Variants in HIGD1B observed in about 807,000 individuals in gnomAD.
HIGD1B encodes HIG1 domain family member 1B.
In HIGD1B, 9 loss-of-function variants were observed where a neutral mutation model predicts 8.8. The observed-to-expected ratio is 1.02, with a 90% CI of 0.62 to 1.78. The LOEUF (loss-of-function observed/expected upper bound fraction) is 1.78. HIGD1B is among the 40% of genes most tolerant of loss of function. The pLI is 0.00. For missense variants in HIGD1B, 126 were observed against 111.8 expected, an observed-to-expected ratio of 1.13 and a Z score of -0.57; for synonymous variants, 47 against 38.8, an observed-to-expected ratio of 1.21 and a Z score of -0.78.
chr17:44,845,726 T>G (rs1447765950), upstream of HIGD1B, among the ~76,000 whole-genome samples: 4 of 151,726 alleles, frequency 2.6e-5, no homozygotes, highest in Non-Finnish European at 5.9e-5. Context: ...AAGGTCAGGA[T>G]TTCGAGACCA....
chr17:44,845,553 C>T (rs570823161), upstream of HIGD1B, among the ~76,000 whole-genome samples: 1 of 152,142 alleles, frequency 6.6e-6, no homozygotes, highest in South Asian at 2.1e-4. Flanking sequence ...TTGCTTGAGC[C>T]TGGGAGTATG....
upstream of HIGD1B, among the ~76,000 whole-genome samples, chr17:44,845,992 G>T (rs2050319343): frequency 6.6e-6 from 1 of 152,024 alleles, no homozygotes; most frequent in African/African-American, 2.4e-5. Context: ...CACAACTAGG[G>T]TATTTTATTT....
In HIGD1B at chr17:44,850,244, C is replaced by A. The variant is rs1048785903; in HGVS notation, c.236-88C>A. ...GGAAGCTGGACTCTCAAGGGAGCAG[C>A]TAGAGGTGAACCCCTAGGACGCCTG... On this transcript the variant is annotated intron_variant, in intron 2 of 2. Coordinates refer to ENST00000253410, the MANE Select transcript of HIGD1B (RefSeq NM_016438.4). 3.4e-5 allele frequency: 34 copies of A among 995,784 alleles called. No homozygotes were observed. The Middle Eastern group carries it at 9.1e-4, about 27-fold the overall frequency. The allele number at this position is 995,784 out of a possible 1,614,324, so 61.7% of individuals were successfully genotyped here.
chr17:44,848,693 G>A (rs1357004376), intron 1 of HIGD1B, among the ~76,000 whole-genome samples: 2 of 77,322 alleles, frequency 2.6e-5, no homozygotes, highest in African/African-American at 8.0e-5. Context: ...CACTGGTGGT[G>A]ATCAGCTATT....
At chr17:44,846,634 A>G (rs2050325050), upstream of HIGD1B, among the ~76,000 whole-genome samples, 1 of 151,896 alleles carries the variant, frequency 6.6e-6, no homozygotes, top group Non-Finnish European at 1.5e-5. Flanking sequence ...TCTCTACAAA[A>G]AATACAAAAA....
intron 2 of HIGD1B, among the ~76,000 whole-genome samples, chr17:44,849,670 G>C (rs1319612866): frequency 6.9e-6 from 1 of 144,760 alleles, no homozygotes; most frequent in Non-Finnish European, 1.5e-5. Context: ...TTCGGCAGGA[G>C]AATTGCTTGA....
chr17:44,848,552 T>C (rs935809752), intron 1 of HIGD1B, among the ~76,000 whole-genome samples: 5 of 151,962 alleles, frequency 3.3e-5, no homozygotes, highest in Middle Eastern at 3.2e-3. Flanking sequence ...CTTATGGCCC[T>C]GGTAGAGTAG....
chr17:44,846,780 G>C (rs1415897372), upstream of HIGD1B, among the ~76,000 whole-genome samples: 2 of 144,772 alleles, frequency 1.4e-5, no homozygotes, highest in Non-Finnish European at 3.0e-5. Context: ...GTGAGACCCT[G>C]CCTAAAAAAA....
chr17:44,849,758 C>CAAAAAAAAAA (rs61617877), intron 2 of HIGD1B, among the ~76,000 whole-genome samples: 1 of 52,542 alleles, frequency 1.9e-5, no homozygotes, highest in African/African-American at 7.0e-5. Flanking sequence ...GACTCTGTCT[C>CAAAAAAAAAA]AAAAAAAAAA....
Position 44,849,360 on chromosome 17 carries a change from G to C in HIGD1B, c.207G>C (p.Gln69His). ...TGATTCACACCCGAGTGGCAGCGCA[G>C]GCCTGTGCAGTGGGTGCAATCATGC... Reference protein sequence around the residue: ...IHLIHTRVAAQACAVGAIMLG... With the variant: ...IHLIHTRVAAHACAVGAIMLG... The change falls in exon 2 of 3, where the codon CAG (glutamine) becomes CAC (histidine). Residue 69 changes from glutamine (Q) to histidine (H), a missense_variant. Physicochemically the swap from Gln to His is conservative, Grantham distance 24 (BLOSUM62 0). Coordinates refer to ENST00000253410, the MANE Select transcript of HIGD1B (RefSeq NM_016438.4). The C allele has an allele frequency of 6.2e-7, 1 of 1,614,162 alleles. No homozygotes were observed. Among genetic ancestry groups the C allele is most frequent in the South Asian group, 1.1e-5 (1 of 91,082 alleles).
intron 1 of HIGD1B, among the ~76,000 whole-genome samples, chr17:44,848,666 ATC>A (rs1360559166): frequency 2.1e-4 from 11 of 52,638 alleles, no homozygotes; most frequent in Non-Finnish European, 5.8e-4. Flanking sequence ...AGCTATTTGT[ATC>A]TGGGGGAGGG....
intron 1 of HIGD1B, 136 bp from the exon 2 acceptor site, chr17:44,849,118 G>A (rs750086774): frequency 2.0e-5 from 17 of 863,134 alleles, no homozygotes; most frequent in African/African-American, 1.5e-4. Flanking sequence ...CCCCCGCAAC[G>A]CCCACCCCCC....
upstream of HIGD1B, among the ~76,000 whole-genome samples, chr17:44,845,983 A>C (rs149567023): frequency 2.4e-3 from 362 of 151,942 alleles, 1 homozygote; most frequent in African/African-American, 8.0e-3. Flanking sequence ...TCTGTCTCTC[A>C]CAACTAGGGT....
upstream of HIGD1B, among the ~76,000 whole-genome samples, chr17:44,845,287 A>G (rs2050313899): frequency 6.6e-6 from 1 of 150,990 alleles, no homozygotes; most frequent in South Asian, 2.1e-4. Flanking sequence ...AAAGAAATAT[A>G]CTGAGTACAG....
At position 44,848,145 on chromosome 17, in the gene HIGD1B, C is replaced by T; in HGVS notation, c.-8C>T. The T allele has an allele frequency of 1.1e-6, 1 of 871,656 alleles. No individual in the cohort carries two copies. The allele number at this position is 871,656 out of a possible 1,614,324, so 54.0% of individuals were successfully genotyped here. A position where few individuals can be genotyped will look rare whatever the true frequency, so the allele number is the denominator to read the frequency against. On this transcript the variant is annotated 5_prime_UTR_variant, in exon 1 of 3. Transcript: ENST00000253410. ...GAGTCTCAGCTGCTTACATCCAGGT[C>T]CAGGATTATGTCTGCTAACAGACGC...
At chr17:44,845,932 G>GA (rs879399039), upstream of HIGD1B, among the ~76,000 whole-genome samples, 94 of 141,754 alleles carry the variant, frequency 6.6e-4, no homozygotes, top group East Asian at 1.4e-3. Context: ...CTCCATCTCG[G>GA]AAAAAAAAAA....
upstream of HIGD1B, among the ~76,000 whole-genome samples, chr17:44,845,985 A>C (rs2050319284): frequency 6.6e-6 from 1 of 151,818 alleles, no homozygotes; most frequent in South Asian, 2.1e-4. Flanking sequence ...TGTCTCTCAC[A>C]ACTAGGGTAT....
At chr17:44,850,041 TG>T (rs1360372889) in intron 2 of HIGD1B, 2 of 313,364 alleles carry the variant, frequency 6.4e-6, no homozygotes, top group African/African-American at 4.1e-5. Flanking sequence ...CTCAGTTTCC[TG>T]ATGTGTAACA....
Position 44,847,914 on chromosome 17 carries a change from G to GCCT in HIGD1B, c.-239_-238insCCT, listed in dbSNP as rs2050340072. ...GACAGAATGAGCTGGGGAAGAGGCA[G>GCCT]ATGGTAGGAAATGGAGACGGAGAAA... On this transcript the variant is annotated 5_prime_UTR_variant, in exon 1 of 3. Transcript: ENST00000253410. 22 of 426,788 alleles carry GCCT rather than the reference G, an allele frequency of 5.2e-5. No homozygotes were observed. Among genetic ancestry groups the GCCT allele is most frequent in the Non-Finnish European group, 8.1e-5 (19 of 235,364 alleles). 26.4% of individuals were successfully genotyped at this position (426,788 alleles called of 1,614,324 possible). A position where few individuals can be genotyped will look rare whatever the true frequency, so the allele number is the denominator to read the frequency against.
Sources: gnomAD v4.1 joint callset for allele counts (sites outside exome capture counted in the v4.1 genomes callset) on GRCh38, gnomAD v4.1.1 for gene constraint, MANE v1.5 for transcripts, NCBI Gene and HGNC (gene_info 2026-07-23, HGNC 2026-07-21) for gene names.